Variants in SCML2 observed in about 807,000 individuals in gnomAD.
The protein encoded by SCML2 is sex comb on midleg-like protein 2.
SCML2 carries 6 observed loss-of-function variants against 48.4 expected under a neutral mutation model. The observed-to-expected ratio is 0.12, with a 90% confidence interval of 0.07 to 0.24. SCML2 has a LOEUF of 0.24. SCML2 is among the 10% of genes least tolerant of loss of function. SCML2 has a pLI of 1.00. For missense variants in SCML2, 377 were observed against 528.2 expected, an observed-to-expected ratio of 0.71 and a Z score of 2.81; for synonymous variants, 181 against 189.5, an observed-to-expected ratio of 0.95 and a Z score of 0.37.
chrX:18,331,318 T>C (rs1012980261), intron 2 of SCML2, among the ~76,000 whole-genome samples: 2 of 98,073 alleles, frequency 2.0e-5, no homozygotes, highest in Non-Finnish European at 4.0e-5. Context: ...CAAAATGAGC[T>C]GATCTTTACA....
intron 6 of SCML2, among the ~76,000 whole-genome samples, chrX:18,319,285 G>A (rs1259092936): frequency 9.0e-6 from 1 of 111,291 alleles, no homozygotes; most frequent in Non-Finnish European, 1.9e-5. Context: ...CAGCTACTCA[G>A]GAGGCTGAGG....
chrX:18,317,832 T>C (rs1373915508), intron 6 of SCML2, among the ~76,000 whole-genome samples: 3 of 38,668 alleles, frequency 7.8e-5, no homozygotes, highest in Non-Finnish European at 1.2e-4. Context: ...AGACTCCGTC[T>C]CAAAAAAAAA....
chrX:18,337,425 A>C (rs1929867326), intron 1 of SCML2, among the ~76,000 whole-genome samples: 1 of 108,018 alleles, frequency 9.3e-6, no homozygotes, highest in Non-Finnish European at 1.9e-5. Context: ...GAGAAAGTCC[A>C]TGCTAATACT....
chrX:18,317,680 A>C (rs1216389270), intron 6 of SCML2, among the ~76,000 whole-genome samples: 1 of 109,374 alleles, frequency 9.1e-6, no homozygotes, highest in Non-Finnish European at 1.9e-5. Context: ...AAAAAATACA[A>C]AAAATTAGCC....
chrX:18,288,924 G>A (rs1243535383), intron 7 of SCML2, among the ~76,000 whole-genome samples: 2 of 111,286 alleles, frequency 1.8e-5, no homozygotes, highest in Non-Finnish European at 3.8e-5. Flanking sequence ...GGGAGGAGGG[G>A]ACTAAGGGGA....
At chrX:18,344,669 C>T (rs1729667400) in intron 1 of SCML2, among the ~76,000 whole-genome samples, 1 of 111,757 alleles carries the variant, frequency 8.9e-6, no homozygotes, top group South Asian at 3.8e-4. Flanking sequence ...CTCTCATCTG[C>T]TGCCCTGTAA....
chrX:18,241,283 T>C lies in SCML2; in HGVS notation c.2071A>G (p.Ile691Val), dbSNP rs1846765087. Residue 691 changes from isoleucine (I) to valine (V), a missense_variant, in exon 15 of 15, where the codon ATT (isoleucine) becomes GTT (valine). By Grantham distance (29) the Ile-to-Val change is conservative (BLOSUM62 3). This residue lies in a region of SCML2 where 299 missense variants were observed against 425.5 expected (regional missense o/e 0.70). Transcript: ENST00000251900. ...LGPALKLCYY[I>V]EKLKEGKYS ...TATTTTCCTTCTTTAAGCTTTTCAA[T>C]GTAGTAACACAGCTTTAATGCTGGC... 4 of 1,200,799 alleles carry C rather than the reference T, an allele frequency of 3.3e-6. No homozygotes were observed. The highest frequency in any genetic ancestry group is 4.5e-6 in the Non-Finnish European group (4 of 889,633).
At chrX:18,346,787 A>G (rs1272592380) in intron 1 of SCML2, among the ~76,000 whole-genome samples, 2 of 112,166 alleles carry the variant, frequency 1.8e-5, no homozygotes, top group East Asian at 5.6e-4. Flanking sequence ...GAAGTACTTC[A>G]CATTTATGCC....
chrX:18,335,960 C>G (rs1366901365), intron 1 of SCML2, among the ~76,000 whole-genome samples: 1 of 111,473 alleles, frequency 9.0e-6, no homozygotes, highest in African/African-American at 3.3e-5. Flanking sequence ...GGAGAATTTA[C>G]ATCATCTTAT....
At chrX:18,330,460 T>G (rs1237671609) in intron 3 of SCML2, 127 bp downstream of exon 3, 1 of 323,692 alleles carries the variant, frequency 3.1e-6, no homozygotes, top group East Asian at 4.8e-5. Context: ...ATTTTGTATT[T>G]ACAGAAGTTT....
intron 1 of SCML2, among the ~76,000 whole-genome samples, chrX:18,343,760 C>CAAAAAA (rs1196514399): frequency 1.1e-3 from 42 of 37,665 alleles, no homozygotes; most frequent in African/African-American, 1.3e-3. Flanking sequence ...GACTCTGTCT[C>CAAAAAA]AAAAAAAAAA....
chrX:18,322,599 T>C (rs1433887899), intron 5 of SCML2, among the ~76,000 whole-genome samples: 1 of 112,067 alleles, frequency 8.9e-6, no homozygotes, highest in Non-Finnish European at 1.9e-5. Context: ...CAACTAGTTT[T>C]TAAAAATATT....
intron 7 of SCML2, among the ~76,000 whole-genome samples, chrX:18,298,582 C>T (rs1293930700): frequency 2.7e-5 from 3 of 111,800 alleles, no homozygotes; most frequent in South Asian, 3.7e-4. Flanking sequence ...CTAGGCCAGG[C>T]GTGGTGGCTC....
chrX:18,319,595 C>CAAAA (rs1354418550), intron 6 of SCML2, among the ~76,000 whole-genome samples: 14 of 33,991 alleles, frequency 4.1e-4, no homozygotes, highest in African/African-American at 1.2e-3. Context: ...GACTCTGTCT[C>CAAAA]AAAAAAAAAA....
In SCML2 at chrX:18,354,602, G is replaced by A. The variant is rs1367668915; in HGVS notation, c.-35C>T. 1.2e-4 allele frequency: 34 copies of A among 285,148 alleles called. No homozygotes were observed. In the East Asian group the frequency reaches 1.6e-3, roughly 14 times the overall value. The allele number at this position is 285,148 out of a possible 1,213,427, so 23.5% of individuals were successfully genotyped here. A position where few individuals can be genotyped will look rare whatever the true frequency, so the allele number is the denominator to read the frequency against. On this transcript the variant is annotated 5_prime_UTR_variant, in exon 1 of 15. In the 5' UTR this introduces an upstream ATG that the reference lacks. Transcript: ENST00000251900. ...GGAATCACCACGTACCTCCAGTCTCGTCGGTGAAAACAACGAAATTCTGTC... is the reference window on the plus strand; with the variant it reads ...GGAATCACCACGTACCTCCAGTCTCATCGGTGAAAACAACGAAATTCTGTC...
chrX:18,276,661 G>A lies in SCML2; in HGVS notation c.731-10859C>T, dbSNP rs933209474. 4.7e-4 allele frequency among the ~76,000 whole-genome samples: 53 copies of A among 112,353 alleles called. 1 individual carries two copies. The highest frequency in any genetic ancestry group is 5.6e-5 in the Non-Finnish European group (3 of 53,324). On this transcript the variant is annotated intron_variant, in intron 7 of 14. Transcript: ENST00000251900. The stretch of plus-strand genomic sequence containing the variant: ...ATAGTATTCAGTCATAAAAAGGAAT[G>A]AAGTACTGATATATGCTACAACATG...
At chrX:18,324,377 T>C (rs1428483800) in intron 4 of SCML2, among the ~76,000 whole-genome samples, 2 of 111,771 alleles carry the variant, frequency 1.8e-5, no homozygotes, top group Non-Finnish European at 3.8e-5. Context: ...AAAGTAAGAA[T>C]CTGATTAGAC....
chrX:18,273,157 C>T (rs901177224), intron 7 of SCML2, among the ~76,000 whole-genome samples: 2 of 111,459 alleles, frequency 1.8e-5, no homozygotes, highest in South Asian at 7.6e-4. Flanking sequence ...CGTCACTTTT[C>T]CAGTAGTGTT....
At chrX:18,247,715 G>A in intron 12 of SCML2, 54 bp downstream of exon 12, 1 of 925,609 alleles carries the variant, frequency 1.1e-6, no homozygotes, top group Non-Finnish European at 1.6e-6. Context: ...GTATACATAA[G>A]TGGTAGCAGA....
Sources: gnomAD v4.1 joint callset for allele counts (sites outside exome capture counted in the v4.1 genomes callset) on GRCh38, gnomAD v4.1.1 for gene constraint, gnomAD v4.1.1 regional missense constraint, MANE v1.5 for transcripts, NCBI Gene and HGNC (gene_info 2026-07-23, HGNC 2026-07-21) for gene names.